DNM1L: variants seen among roughly 807,000 people sequenced by gnomAD.
DNM1L encodes dynamin 1L.
Under a neutral mutation model 92.8 loss-of-function variants are expected in DNM1L, and 33 were observed. The ratio of observed to expected loss-of-function variants is 0.36; its 90% CI spans 0.27 to 0.48. DNM1L has a LOEUF of 0.48. Among genes scored for constraint, DNM1L ranks in the 20% least tolerant of loss-of-function variants. DNM1L has a pLI of 0.99. For synonymous variants in DNM1L, 284 were observed against 305.0 expected, an observed-to-expected ratio of 0.93 and a Z score of 0.72; for missense variants, 485 against 888.8, an observed-to-expected ratio of 0.55 and a Z score of 5.78.
In DNM1L at chr12:32,731,655, T is replaced by C; in HGVS notation, c.1356+144T>C. On this transcript the variant is annotated intron_variant, in intron 11 of 19. Transcript: ENST00000549701. The surrounding 1 kb of genome is among the most constrained non-coding windows in gnomAD (Gnocchi z 5.1). Reference sequence around the variant, plus strand: ...ACCTGAAAGTGATTTGAAATAGGATTCTTAAATGTAGTCTCCAAATTGAAT... The same window carrying C: ...ACCTGAAAGTGATTTGAAATAGGATCCTTAAATGTAGTCTCCAAATTGAAT... 1 of 1,153,124 alleles carries C rather than the reference T, an allele frequency of 8.7e-7. No individual in the cohort carries two copies. Among genetic ancestry groups the C allele is most frequent in the African/African-American group, 1.5e-5 (1 of 65,100 alleles). 71.4% of individuals were successfully genotyped at this position (1,153,124 alleles called of 1,614,324 possible). A position where few individuals can be genotyped will look rare whatever the true frequency, so the allele number is the denominator to read the frequency against.
intron 6 of DNM1L, among the ~76,000 whole-genome samples, chr12:32,718,026 A>G (rs1313784740): frequency 7.9e-6 from 1 of 127,200 alleles, no homozygotes; most frequent in Admixed American, 9.2e-5. Flanking sequence ...TATATATTAT[A>G]AATATATACT....
At chr12:32,714,302 T>G (rs1953263532) in intron 6 of DNM1L, among the ~76,000 whole-genome samples, 1 of 149,270 alleles carries the variant, frequency 6.7e-6, no homozygotes, top group African/African-American at 2.5e-5. Flanking sequence ...AGATGGAGTC[T>G]TGCTCTATCT....
rs1194239190 is a variant in DNM1L, at chr12:32,731,083, A to C, written c.1149A>C (p.Pro383=). The C allele has an allele frequency of 6.2e-7, 1 of 1,613,904 alleles. No homozygotes were observed. The highest frequency in any genetic ancestry group is 8.5e-7 in the Non-Finnish European group (1 of 1,179,984). ...TFGRTLESVD[P]LGGLNTIDIL... is the part of the protein sequence containing the mutation. The stretch of plus-strand genomic sequence containing the variant: ...GGCGAACCTTAGAATCTGTTGATCC[A>C]CTTGGTGGCCTTAACACTATTGACA... Residue 383 remains proline, a synonymous_variant, in exon 10 of 20, where the codon CCA becomes CCC. Coordinates refer to ENST00000549701, the MANE Select transcript of DNM1L (RefSeq NM_012062.5). This position sits in a 1 kb window ranked among gnomAD's most constrained non-coding sequence, Gnocchi z 5.1.
rs559550236 is a variant in DNM1L, at chr12:32,713,129, T to C, written c.457-80T>C. On this transcript the variant is annotated intron_variant, in intron 5 of 19. Transcript: ENST00000549701. ...AACTATTTTTAAATGGATATACCTA[T>C]ATTCTATCGATTAAATGTGGGTAAA... 249 of 1,379,880 alleles carry C rather than the reference T, an allele frequency of 1.8e-4. 1 individual carries two copies. In the African/African-American group the frequency reaches 3.1e-3, roughly 17 times the overall value. 85.5% of individuals were successfully genotyped at this position (1,379,880 alleles called of 1,614,324 possible).
In DNM1L at chr12:32,701,510, A is replaced by C; in HGVS notation, c.198A>C (p.Gln66His). 6.2e-7 allele frequency: 1 copy of C among 1,614,048 alleles called. No homozygotes were observed. The highest frequency in any genetic ancestry group is 8.5e-7 in the Non-Finnish European group (1 of 1,179,934). ...TCACCCGGAGACCTCTCATTCTGCAACTGGTCCATGTTTCACAAGAAGATA... is the reference window on the plus strand; with the variant it reads ...TCACCCGGAGACCTCTCATTCTGCACCTGGTCCATGTTTCACAAGAAGATA... ...GIVTRRPLIL[Q>H]LVHVSQEDKR... The change falls in exon 2 of 20, where the codon CAA (glutamine) becomes CAC (histidine). Residue 66 changes from glutamine (Q) to histidine (H), a missense_variant. Transcript: ENST00000549701.
At chr12:32,690,407 T>C (rs1465013282) in intron 1 of DNM1L, among the ~76,000 whole-genome samples, 1 of 152,216 alleles carries the variant, frequency 6.6e-6, no homozygotes, top group Non-Finnish European at 1.5e-5. Flanking sequence ...ATGCCTGCTT[T>C]AGGTGGGTCA....
intron 7 of DNM1L, 92 bp downstream of exon 7, chr12:32,718,855 CTGTT>C: frequency 6.5e-7 from 1 of 1,535,252 alleles, no homozygotes; most frequent in Non-Finnish European, 9.0e-7. Flanking sequence ...TTTCTAAAAT[CTGTT>C]TGAAATGTGA....
chr12:32,722,640 A>C lies in DNM1L; in HGVS notation c.1079+7A>C, dbSNP rs1448396990. 1 of 1,608,928 alleles carries C rather than the reference A, an allele frequency of 6.2e-7. No homozygotes were observed. The highest frequency in any genetic ancestry group is 8.5e-7 in the Non-Finnish European group (1 of 1,177,648). ...ATATTGAAACTTCGGAGCTGTAAGT[A>C]AGAAATTTTTCTGTAGATTTGGTTA... On this transcript the variant is annotated splice_region_variant and intron_variant, in intron 9 of 19. Transcript: ENST00000549701.
intron 2 of DNM1L, among the ~76,000 whole-genome samples, chr12:32,705,006 T>TG (rs1164219597): frequency 1.3e-5 from 2 of 150,130 alleles, no homozygotes; most frequent in Admixed American, 1.3e-4. Context: ...CAAAGTTTTT[T>TG]TTTTTTTTTT....
chr12:32,702,858 T>C (rs145616959), intron 2 of DNM1L, among the ~76,000 whole-genome samples: 1 of 152,190 alleles, frequency 6.6e-6, no homozygotes, highest in South Asian at 2.1e-4. Context: ...GGGTATGTTA[T>C]TCATCACTTT....
chr12:32,740,584 A>C (rs1247733337), intron 18 of DNM1L, 66 bp downstream of exon 18: 1 of 1,365,798 alleles, frequency 7.3e-7, no homozygotes. Flanking sequence ...TCTGTTTTGA[A>C]AAATACATGT....
At position 32,717,977 on chromosome 12, in the gene DNM1L, GTA is replaced by G. The variant is rs1228454392; in HGVS notation, c.620-659_620-658del. ...ATATATAGTATATATATTATATATAGTATATATAGTATGTATAGTATATATAA... is the reference window on the plus strand; with the variant it reads ...ATATATAGTATATATATTATATATAGTATATAGTATGTATAGTATATATAA... On this transcript the variant is annotated intron_variant, in intron 6 of 19. Transcript: ENST00000549701. Among the ~76,000 whole-genome samples, 125 of 96,332 alleles carry G rather than the reference GTA, an allele frequency of 1.3e-3. 2 individuals carry two copies. The highest frequency in any genetic ancestry group is 5.6e-3 in the African/African-American group (118 of 21,256). 63.2% of individuals were successfully genotyped at this position (96,332 alleles called of 152,430 possible).
chr12:32,705,780 G>T, intron 2 of DNM1L: 1 of 1,556,096 alleles, frequency 6.4e-7, no homozygotes, highest in South Asian at 1.1e-5. Flanking sequence ...AAAATTTTAG[G>T]GATAAGCACT....
At chr12:32,727,840 G>C (rs1460960740) in intron 9 of DNM1L, among the ~76,000 whole-genome samples, 2 of 152,142 alleles carry the variant, frequency 1.3e-5, no homozygotes, top group African/African-American at 2.4e-5. Flanking sequence ...TGGACTACCT[G>C]CATCTGTCTT....
chr12:32,718,547 G>T, intron 6 of DNM1L, 96 bp from the exon 7 acceptor site: 1 of 1,497,212 alleles, frequency 6.7e-7, no homozygotes, highest in Non-Finnish European at 9.2e-7. Context: ...AAGTGGGATT[G>T]TAGATGAGGG....
At chr12:32,690,486 A>G (rs1373748836) in intron 1 of DNM1L, among the ~76,000 whole-genome samples, 1 of 152,144 alleles carries the variant, frequency 6.6e-6, no homozygotes, top group African/African-American at 2.4e-5. Flanking sequence ...TTATCATCAT[A>G]TATGTGCTGT....
intron 6 of DNM1L, among the ~76,000 whole-genome samples, chr12:32,716,760 A>ATATG (rs1555120358): frequency 6.8e-6 from 1 of 146,946 alleles, no homozygotes; most frequent in African/African-American, 2.5e-5. Flanking sequence ...ATATATATAT[A>ATATG]TATAGTAACT....
chr12:32,692,150 A>G (rs1185802325), intron 1 of DNM1L, among the ~76,000 whole-genome samples: 4 of 152,174 alleles, frequency 2.6e-5, no homozygotes, highest in African/African-American at 9.6e-5. Context: ...GTGGTGATAT[A>G]TATTTTAATT....
intron 9 of DNM1L, among the ~76,000 whole-genome samples, chr12:32,727,709 C>G (rs559460038): frequency 1.3e-5 from 2 of 152,286 alleles, no homozygotes; most frequent in Non-Finnish European, 2.9e-5. Context: ...CTTTCTGTCT[C>G]ATACATTATC....
Sources: gnomAD v4.1 joint callset for allele counts (sites outside exome capture counted in the v4.1 genomes callset) on GRCh38, gnomAD v4.1.1 for gene constraint, Gnocchi (gnomAD v3.1) non-coding constraint, MANE v1.5 for transcripts, NCBI Gene and HGNC (gene_info 2026-07-23, HGNC 2026-07-21) for gene names.